The following PACRGL variants were observed in gnomAD, a reference collection of about 807,000 sequenced individuals.
PACRGL encodes the protein parkin coregulated like, also known as PACRG-like protein.
A neutral mutation model predicts 34.5 loss-of-function variants in PACRGL; 38 were observed. That is an observed-to-expected ratio of 1.10 (90% CI 0.85 to 1.44). The LOEUF (loss-of-function observed/expected upper bound fraction) is 1.44, where lower values mean the gene tolerates loss of function less well. Ranked by LOEUF, PACRGL falls within the 40% of genes most tolerant of loss-of-function variation. The pLI, the probability that PACRGL is intolerant of heterozygous loss-of-function variation, is 0.00. For missense variants in PACRGL, 305 were observed against 281.4 expected (o/e 1.08, Z -0.60); for synonymous variants, 128 against 100.1 (o/e 1.28, Z -1.66).
At chr4:20,754,135 C>T (rs548806023), downstream of PACRGL, among the ~76,000 whole-genome samples, 19 of 152,204 alleles carry the variant, frequency 1.2e-4, no homozygotes, top group African/African-American at 1.9e-4. Flanking sequence ...ACCAACAAAC[C>T]GTTTCCTCTC....
At chr4:20,734,537 A>C, downstream of PACRGL, 1 of 634,938 alleles carries the variant, frequency 1.6e-6, no homozygotes, top group East Asian at 3.1e-5. Context: ...TCCTCAAAAA[A>C]ACTTTTCAAA....
At position 20,729,751 on chromosome 4, in the gene PACRGL, A is replaced by AT. The variant is rs1330682109; in HGVS notation, c.*2411dup. ...TACAAATGAGTAGCAAAAAACACTG[A>AT]TATTTTAAAATCACTGATATGTGAA... is the stretch of plus-strand genomic sequence containing the variant. On this transcript the variant is annotated 3_prime_UTR_variant, in exon 9 of 9. Transcript: ENST00000503585. The AT allele has an allele frequency of 2.4e-5, 5 of 212,604 alleles. No homozygotes were observed. The highest frequency in any genetic ancestry group is 4.6e-5 in the Non-Finnish European group (5 of 107,996). 13.2% of individuals were successfully genotyped at this position (212,604 alleles called of 1,614,324 possible).
chr4:20,759,058 C>T, the PACRGL span, among the ~76,000 whole-genome samples: 1 of 151,864 alleles, frequency 6.6e-6, no homozygotes, highest in Admixed American at 6.6e-5. Context: ...TATGTTTGTT[C>T]CAGTTCTCAC....
At chr4:20,742,912 T>A (rs62411661) in intron 8 of PACRGL, among the ~76,000 whole-genome samples, 26,133 of 151,984 alleles carry the variant, frequency 0.17, 2,328 homozygotes, top group Middle Eastern at 0.24. Context: ...GGCATTCCTA[T>A]ACACCAATAA....
chr4:20,759,991 C>A, the PACRGL span, among the ~76,000 whole-genome samples: 341 of 152,282 alleles, frequency 2.2e-3, 7 homozygotes, highest in South Asian at 0.044. Flanking sequence ...TTGGTCCTTC[C>A]TATCCTGTAT....
In PACRGL at chr4:20,731,305, C is replaced by G. The variant is rs1560401916; in HGVS notation, c.*3964C>G. On this transcript the variant is annotated 3_prime_UTR_variant, in exon 9 of 9. Coordinates refer to ENST00000503585, the MANE Select transcript of PACRGL (RefSeq NM_001258345.3). ...CCCACATTGGACTCAAAATCCTGGC[C>G]TTAAGTTATCTTCCCGCCTCAGCCT... 2 of 784,580 alleles carry G rather than the reference C, an allele frequency of 2.5e-6. No individual in the cohort carries two copies. The highest frequency in any genetic ancestry group is 6.3e-5 in the Admixed American group (1 of 15,984). The allele number at this position is 784,580 out of a possible 1,614,324, so 48.6% of individuals were successfully genotyped here.
chr4:20,754,939 C>G (rs1478370919), downstream of PACRGL, among the ~76,000 whole-genome samples: 1 of 152,106 alleles, frequency 6.6e-6, no homozygotes, highest in Non-Finnish European at 1.5e-5. Flanking sequence ...TTGGTAGGCA[C>G]TCAGATAGTA....
In PACRGL at chr4:20,743,725, C is replaced by T. The variant is rs1387319090; in HGVS notation, c.*57-8840C>T. Among the ~76,000 whole-genome samples the T allele has an allele frequency of 7.2e-5, 11 of 152,104 alleles. No homozygotes were observed. In the East Asian group the frequency reaches 1.5e-3, roughly 21 times the overall value. Reference sequence around the variant, plus strand: ...ATAGGCATGGGCAAGGACTTCATGTCTAAAACACCAAAAGCAATGGCAACA... The same window carrying T: ...ATAGGCATGGGCAAGGACTTCATGTTTAAAACACCAAAAGCAATGGCAACA... On this transcript the variant is annotated intron_variant, in intron 8 of 8. Coordinates refer to the PACRGL transcript ENST00000507634.
chr4:20,732,341 G>A lies in PACRGL; in HGVS notation c.*5000G>A, dbSNP rs1022209243. On this transcript the variant is annotated 3_prime_UTR_variant, in exon 9 of 9. Transcript: ENST00000503585. ...ACCTTCTAGATGTGACAGAGCTTGC[G>A]CAATTTGCTGAAACTTTCAGAGCTT... Among the ~76,000 whole-genome samples, 1 of 152,128 alleles carries A rather than the reference G, an allele frequency of 6.6e-6. No individual in the cohort carries two copies. Among genetic ancestry groups the A allele is most frequent in the Admixed American group, 6.6e-5 (1 of 15,262 alleles).
intron 5 of PACRGL, among the ~76,000 whole-genome samples, chr4:20,711,869 A>G (rs772696054): frequency 1.4e-4 from 22 of 152,192 alleles, no homozygotes; most frequent in Admixed American, 6.5e-5. Flanking sequence ...GACATTTAAA[A>G]TCTTAACATG....
In PACRGL at chr4:20,727,281, A is replaced by G; in HGVS notation, c.691-4A>G. On this transcript the variant is annotated splice_region_variant and splice_polypyrimidine_tract_variant and intron_variant, in intron 8 of 8. Transcript: ENST00000503585. ...AATGATGCTCAATTTTTTTCTGTTGACAGGGGAGCCTTAGCATCATCAAAT... is the reference window on the plus strand; with the variant it reads ...AATGATGCTCAATTTTTTTCTGTTGGCAGGGGAGCCTTAGCATCATCAAAT... 6.2e-7 allele frequency: 1 copy of G among 1,609,488 alleles called. No homozygotes were observed. Among genetic ancestry groups the G allele is most frequent in the Non-Finnish European group, 8.5e-7 (1 of 1,176,032 alleles).
intron 8 of PACRGL, among the ~76,000 whole-genome samples, chr4:20,740,382 C>A (rs1054540959): frequency 6.6e-6 from 1 of 152,156 alleles, no homozygotes; most frequent in African/African-American, 2.4e-5. Context: ...GCGGAACTCT[C>A]GGCAGAAACT....
At chr4:20,742,968 C>T (rs1345334023) in intron 8 of PACRGL, among the ~76,000 whole-genome samples, 2 of 151,468 alleles carry the variant, frequency 1.3e-5, no homozygotes, top group Non-Finnish European at 2.9e-5. Context: ...TTCACAATTG[C>T]TTCAAAGATA....
At chr4:20,738,195 C>T (rs1012099129) in intron 8 of PACRGL, among the ~76,000 whole-genome samples, 1 of 151,924 alleles carries the variant, frequency 6.6e-6, no homozygotes, top group African/African-American at 2.4e-5. Flanking sequence ...AACATAGAGC[C>T]TTATTCAAGG....
In PACRGL at chr4:20,712,775, T is replaced by C; in HGVS notation, c.367-13T>C. ...ATGGGTAGTAAATCATGTTTCCTCT[T>C]GGTCTTTGTCAGGGTCTGAGAGAGA... On this transcript the variant is annotated splice_polypyrimidine_tract_variant and intron_variant, in intron 5 of 8. Coordinates refer to ENST00000503585, the MANE Select transcript of PACRGL (RefSeq NM_001258345.3). 1 of 1,468,320 alleles carries C rather than the reference T, an allele frequency of 6.8e-7. No individual in the cohort carries two copies. The highest frequency in any genetic ancestry group is 1.8e-4 in the Middle Eastern group (1 of 5,462). 91.0% of individuals were successfully genotyped at this position (1,468,320 alleles called of 1,614,324 possible).
At chr4:20,764,860 A>ACACAGACAGGGTCG in the PACRGL span, among the ~76,000 whole-genome samples, 1 of 152,178 alleles carries the variant, frequency 6.6e-6, no homozygotes, top group African/African-American at 2.4e-5. Flanking sequence ...CTGTGATGGC[A>ACACAGACAGGGTCG]CTCAGCCGGA....
At chr4:20,710,375 T>C (rs1211609480) in intron 5 of PACRGL, among the ~76,000 whole-genome samples, 1 of 152,230 alleles carries the variant, frequency 6.6e-6, no homozygotes, top group Non-Finnish European at 1.5e-5. Context: ...ATCATTGCTA[T>C]CTTCTATGAA....
At chr4:20,719,261 A>G (rs914406800) in intron 7 of PACRGL, among the ~76,000 whole-genome samples, 1 of 152,012 alleles carries the variant, frequency 6.6e-6, no homozygotes, top group African/African-American at 2.4e-5. Context: ...AATTTTGTTG[A>G]TCTTTTCAAA....
At chr4:20,742,779 C>T (rs1751451392) in intron 8 of PACRGL, among the ~76,000 whole-genome samples, 2 of 152,132 alleles carry the variant, frequency 1.3e-5, no homozygotes, top group Admixed American at 1.3e-4. Flanking sequence ...CAAATTTTCC[C>T]TGTTTGCGGA....
Sources: allele counts gnomAD v4.1 joint callset (sites outside exome capture counted in the v4.1 genomes callset), GRCh38; gene constraint gnomAD v4.1.1; transcripts MANE v1.5; gene names NCBI Gene and HGNC (gene_info 2026-07-23, HGNC 2026-07-21).